PREX1: variants seen among roughly 807,000 people sequenced by gnomAD.
PREX1 encodes phosphatidylinositol-3,4,5-trisphosphate dependent Rac exchange factor 1.
A neutral mutation model predicts 198.3 loss-of-function variants in PREX1; 41 were observed. That is an observed-to-expected ratio of 0.21 (90% CI 0.16 to 0.27). PREX1 has a LOEUF of 0.27. Among genes scored for constraint, PREX1 ranks in the 10% least tolerant of loss-of-function variants. The pLI is 1.00. For missense variants in PREX1, 1,620 were observed against 2,200.7 expected (o/e 0.74, Z 5.28); for synonymous variants, 843 against 887.2 (o/e 0.95, Z 0.89).
the PREX1 span, among the ~76,000 whole-genome samples, chr20:48,886,584 C>G: frequency 6.6e-5 from 10 of 152,162 alleles, no homozygotes; most frequent in Admixed American, 2.0e-4. Flanking sequence ...TAAAGAAAGC[C>G]CCCAGAAGCT....
At chr20:48,653,290 AG>A in intron 20 of PREX1, 70 bp downstream of exon 20, 1 of 1,569,360 alleles carries the variant, frequency 6.4e-7, no homozygotes, top group Non-Finnish European at 8.7e-7. Flanking sequence ...CTCTAAAGAG[AG>A]GACAGCCCTC....
At chr20:48,864,652 A>G in the PREX1 span, among the ~76,000 whole-genome samples, 1 of 152,208 alleles carries the variant, frequency 6.6e-6, no homozygotes, top group Non-Finnish European at 1.5e-5. Flanking sequence ...GCACTTAACC[A>G]CTGCTCTAAA....
At chr20:48,648,821 A>C (rs1483914269) in intron 25 of PREX1, among the ~76,000 whole-genome samples, 2 of 152,206 alleles carry the variant, frequency 1.3e-5, no homozygotes, top group Middle Eastern at 3.2e-3. Flanking sequence ...GAGCTGAGTA[A>C]GGAGACCTTG....
the PREX1 span, among the ~76,000 whole-genome samples, chr20:48,885,646 G>A: frequency 6.9e-6 from 1 of 144,394 alleles, no homozygotes; most frequent in Non-Finnish European, 1.5e-5. Flanking sequence ...AATCTTGGAA[G>A]CAACCAAGAT....
At chr20:48,646,559 C>A (rs1420406716) in intron 25 of PREX1, among the ~76,000 whole-genome samples, 1 of 151,410 alleles carries the variant, frequency 6.6e-6, no homozygotes, top group Non-Finnish European at 1.5e-5. Context: ...GGTGTGGTGG[C>A]GGGTGCCTGT....
At chr20:48,884,351 A>G in the PREX1 span, among the ~76,000 whole-genome samples, 2 of 152,206 alleles carry the variant, frequency 1.3e-5, no homozygotes, top group Non-Finnish European at 1.5e-5. Context: ...AAGTCAATGG[A>G]ACAGATTAAG....
chr20:48,749,180 G>A (rs6066839), intron 1 of PREX1, among the ~76,000 whole-genome samples: 1 of 151,922 alleles, frequency 6.6e-6, no homozygotes, highest in South Asian at 2.1e-4. Context: ...CTGGTTTGCC[G>A]GAACTCCAGG....
At position 48,624,749 on chromosome 20, in the gene PREX1, T is replaced by C. The variant is rs947414008; in HGVS notation, c.*1136A>G. 1.3e-5 allele frequency: 2 copies of C among 152,216 alleles called. No homozygotes were observed. The highest frequency in any genetic ancestry group is 2.4e-5 in the African/African-American group (1 of 41,436). 9.4% of individuals were successfully genotyped at this position (152,216 alleles called of 1,614,324 possible). A position where few individuals can be genotyped will look rare whatever the true frequency, so the allele number is the denominator to read the frequency against. Reference sequence around the variant, plus strand: ...GTCCCAATCGCCCTGCTCTGAGAAGTTACCATCAAGAAAATAAATCACAGA... The same window carrying C: ...GTCCCAATCGCCCTGCTCTGAGAAGCTACCATCAAGAAAATAAATCACAGA... On this transcript the variant is annotated 3_prime_UTR_variant, in exon 40 of 40. Coordinates refer to ENST00000371941, the MANE Select transcript of PREX1 (RefSeq NM_020820.4).
intron 5 of PREX1, among the ~76,000 whole-genome samples, chr20:48,713,917 G>T (rs1280552345): frequency 6.7e-6 from 1 of 148,880 alleles, no homozygotes; most frequent in Admixed American, 6.7e-5. Flanking sequence ...AAAAAAAATT[G>T]AGAGTCCAGA....
At chr20:48,654,959 G>A (rs1421062290) in intron 19 of PREX1, among the ~76,000 whole-genome samples, 1 of 152,234 alleles carries the variant, frequency 6.6e-6, no homozygotes, top group Non-Finnish European at 1.5e-5. Context: ...AGAAAATCAA[G>A]TCTGGTGAGA....
chr20:48,833,178 G>A, the PREX1 span, among the ~76,000 whole-genome samples: 6 of 152,166 alleles, frequency 3.9e-5, no homozygotes, highest in Non-Finnish European at 7.4e-5. Context: ...TATGCTGCCC[G>A]ATCCTTGGAT....
Position 48,634,657 on chromosome 20 carries a change from G to C in PREX1, c.4267+19C>G. ...CAGGACCCCACCTCTCACAGTGGGG[G>C]ATGGGAGAAATCACTCACTGGCCAC... On this transcript the variant is annotated intron_variant, in intron 33 of 39. Coordinates refer to ENST00000371941, the MANE Select transcript of PREX1 (RefSeq NM_020820.4). 6.2e-7 allele frequency: 1 copy of C among 1,610,890 alleles called. No homozygotes were observed. The highest frequency in any genetic ancestry group is 1.3e-5 in the African/African-American group (1 of 74,982).
intron 13 of PREX1, among the ~76,000 whole-genome samples, chr20:48,678,054 C>G (rs1291370168): frequency 6.6e-6 from 1 of 151,980 alleles, no homozygotes; most frequent in Admixed American, 6.6e-5. Context: ...TGGTTCACGC[C>G]TGTAATTCCA....
At position 48,807,386 on chromosome 20, in the gene PREX1, C is replaced by T. The variant is rs954931239; in HGVS notation, c.219+20256G>A. Among the ~76,000 whole-genome samples, 9 of 152,092 alleles carry T rather than the reference C, an allele frequency of 5.9e-5. No individual in the cohort carries two copies. In the East Asian group the frequency reaches 1.7e-3, roughly 29 times the overall value. ...TCCCTCCTTAAAGGTACAGCACATA[C>T]AGCCCCTCATGTCCATAGAGACCAA... On this transcript the variant is annotated intron_variant, in intron 1 of 39. Coordinates refer to ENST00000371941, the MANE Select transcript of PREX1 (RefSeq NM_020820.4).
rs371894379 is a variant in PREX1, at chr20:48,655,202, T to A, written c.2209+88A>T. On this transcript the variant is annotated intron_variant, in intron 19 of 39. Transcript: ENST00000371941. ...GATGGTACATTGTCTGGCAGAAGCC[T>A]AGAGTTCAGAAGGCTCTGAACTCCT... The A allele has an allele frequency of 3.4e-5, 44 of 1,277,874 alleles. No individual in the cohort carries two copies. In the African/African-American group the frequency reaches 6.5e-4, roughly 19 times the overall value. 79.2% of individuals were successfully genotyped at this position (1,277,874 alleles called of 1,614,324 possible).
chr20:48,813,661 A>G (rs1171887404), intron 1 of PREX1, among the ~76,000 whole-genome samples: 1 of 152,194 alleles, frequency 6.6e-6, no homozygotes, highest in Non-Finnish European at 1.5e-5. Context: ...TGATGGAGAC[A>G]GGGAAGAAGA....
chr20:48,696,748 T>G (rs2089848609), intron 7 of PREX1, among the ~76,000 whole-genome samples: 1 of 152,120 alleles, frequency 6.6e-6, no homozygotes, highest in Non-Finnish European at 1.5e-5. Flanking sequence ...GACTTGCTGA[T>G]GTAGTTGGTA....
At chr20:48,644,922 G>A (rs555536033) in intron 26 of PREX1, among the ~76,000 whole-genome samples, 22 of 152,322 alleles carry the variant, frequency 1.4e-4, no homozygotes, top group South Asian at 4.1e-4. Flanking sequence ...CCAGGAACTC[G>A]GAAGGTGTGG....
intron 39 of PREX1, 144 bp downstream of exon 39, chr20:48,627,404 G>T: frequency 1.1e-6 from 1 of 910,630 alleles, no homozygotes; most frequent in Non-Finnish European, 1.7e-6. Flanking sequence ...AGTTGTGTCT[G>T]TTGCTCCTCA....
Sources: allele counts gnomAD v4.1 joint callset (sites outside exome capture counted in the v4.1 genomes callset), GRCh38; gene constraint gnomAD v4.1.1; transcripts MANE v1.5; gene names NCBI Gene and HGNC (gene_info 2026-07-23, HGNC 2026-07-21).